The following MMS22L variants were observed in gnomAD, a reference collection of about 807,000 sequenced individuals.
The protein encoded by MMS22L is MMS22 like, DNA repair protein, also known as protein MMS22-like.
MMS22L carries 74 observed loss-of-function variants against 159.1 expected under a neutral mutation model. The observed-to-expected ratio is 0.47, with a 90% CI of 0.39 to 0.56. The LOEUF (loss-of-function observed/expected upper bound fraction) is 0.56. Ranked by LOEUF, MMS22L falls within the 20% of genes least tolerant of loss-of-function variation. MMS22L has a pLI of 0.00. For synonymous variants in MMS22L, 517 were observed against 506.9 expected (o/e 1.02, Z -0.27); for missense variants, 1,351 against 1,422.1 (o/e 0.95, Z 0.80).
At chr6:97,251,592 T>A (rs759259737) in intron 10 of MMS22L, among the ~76,000 whole-genome samples, 1 of 152,230 alleles carries the variant, frequency 6.6e-6, no homozygotes, top group African/African-American at 2.4e-5. Context: ...CCTTTTTCTA[T>A]TAATTATCAC....
chr6:97,157,433 C>T (rs1801974590), intron 22 of MMS22L, among the ~76,000 whole-genome samples: 1 of 152,156 alleles, frequency 6.6e-6, no homozygotes, highest in Non-Finnish European at 1.5e-5. Flanking sequence ...TTTGTCCATT[C>T]AGTACGATAT....
At position 97,273,022 on chromosome 6, in the gene MMS22L, C is replaced by A; in HGVS notation, c.381G>T (p.Arg127Ser). 1 of 1,612,934 alleles carries A rather than the reference C, an allele frequency of 6.2e-7. No homozygotes were observed. Among genetic ancestry groups the A allele is most frequent in the Non-Finnish European group, 8.5e-7 (1 of 1,179,760 alleles). The change falls in exon 5 of 25, where the codon AGG (arginine) becomes AGT (serine). Residue 127 changes from arginine (R) to serine (S), a missense_variant. By Grantham distance (110) the Arg-to-Ser change is moderately radical. Transcript: ENST00000683635. ...STLHCKADNI[R>S]QQCVLFLHYV... ...AATGGAGAAATAGTACACACTGCTG[C>A]CTAATATTGTCTGCTTTGCAGTGTA...
At chr6:97,172,860 C>A (rs73758123) in intron 19 of MMS22L, among the ~76,000 whole-genome samples, 3,276 of 151,974 alleles carry the variant, frequency 0.022, 125 homozygotes, top group African/African-American at 0.075. Flanking sequence ...TTAAAACAAT[C>A]AAAAGTATTG....
intron 11 of MMS22L, among the ~76,000 whole-genome samples, chr6:97,242,456 T>A (rs1015055446): frequency 2.0e-5 from 3 of 152,198 alleles, no homozygotes; most frequent in African/African-American, 7.2e-5. Flanking sequence ...ACTATCTTTT[T>A]CCACCCCATT....
chr6:97,244,209 G>A (rs1206856381), intron 11 of MMS22L, among the ~76,000 whole-genome samples: 1 of 152,136 alleles, frequency 6.6e-6, no homozygotes, highest in Non-Finnish European at 1.5e-5. Flanking sequence ...GCCAGGAGGT[G>A]GCACTTTCAA....
chr6:97,243,895 G>A (rs1271458638), intron 11 of MMS22L, among the ~76,000 whole-genome samples: 1 of 152,108 alleles, frequency 6.6e-6, no homozygotes, highest in Non-Finnish European at 1.5e-5. Flanking sequence ...GGGGGTGTCT[G>A]CAAAGAGTCC....
chr6:97,211,932 A>G (rs572731437), intron 14 of MMS22L, among the ~76,000 whole-genome samples: 1 of 152,308 alleles, frequency 6.6e-6, no homozygotes, highest in East Asian at 1.9e-4. Flanking sequence ...CCTCCCTTCT[A>G]ATATTTGCCA....
chr6:97,151,909 G>A (rs759733927), intron 22 of MMS22L, 42 bp from the exon 23 acceptor site: 1 of 1,455,340 alleles, frequency 6.9e-7, no homozygotes, highest in South Asian at 1.2e-5. Flanking sequence ...TGTCTGAATT[G>A]ACCATCTGGA....
rs756012970 is a variant in MMS22L, at chr6:97,149,891, T to C, written c.3612A>G (p.Ser1204=). The change falls in exon 24 of 25, where the codon TCA becomes TCG. Residue 1204 remains serine (S), a synonymous_variant. Coordinates refer to ENST00000683635, the MANE Select transcript of MMS22L (RefSeq NM_001350599.2). The part of the protein sequence containing the change: ...ISTLTQSLKD[S]EQKWGLGRNI... ...TCCTGCCAAGGCCCCATTTCTGCTC[T>C]GAATCCTTCAGAGACTGAGTAAGGG... The C allele has an allele frequency of 1.2e-6, 2 of 1,613,290 alleles. No individual in the cohort carries two copies. Among genetic ancestry groups the C allele is most frequent in the Admixed American group, 1.7e-5 (1 of 59,926 alleles).
intron 9 of MMS22L, among the ~76,000 whole-genome samples, chr6:97,256,293 A>G (rs905548690): frequency 6.6e-6 from 1 of 152,006 alleles, no homozygotes; most frequent in African/African-American, 2.4e-5. Flanking sequence ...AGAACCTTAA[A>G]AGAGTAGCTC....
At chr6:97,231,088 T>G (rs1349026857) in intron 13 of MMS22L, 1 of 187,210 alleles carries the variant, frequency 5.3e-6, no homozygotes, top group Non-Finnish European at 1.1e-5. Flanking sequence ...TTATCAGAAA[T>G]GAAAACAGCA....
intron 3 of MMS22L, 134 bp from the exon 4 acceptor site, chr6:97,279,032 A>T (rs1269048651): frequency 1.6e-6 from 1 of 634,782 alleles, no homozygotes; most frequent in Non-Finnish European, 2.6e-6. Context: ...TACCTTGTGA[A>T]TGTTAATTAA....
intron 15 of MMS22L, among the ~76,000 whole-genome samples, chr6:97,186,266 T>C (rs1333326618): frequency 6.6e-6 from 1 of 152,196 alleles, no homozygotes; most frequent in Non-Finnish European, 1.5e-5. Context: ...GAAAAGCTTA[T>C]GTATATTCAA....
chr6:97,213,460 C>T (rs1808619812), intron 14 of MMS22L, among the ~76,000 whole-genome samples: 1 of 151,912 alleles, frequency 6.6e-6, no homozygotes. Context: ...CACTTTTGTC[C>T]CCCCACCCTT....
At chr6:97,184,024 T>C (rs773314702) in intron 15 of MMS22L, among the ~76,000 whole-genome samples, 12 of 152,134 alleles carry the variant, frequency 7.9e-5, no homozygotes, top group Non-Finnish European at 1.3e-4. Flanking sequence ...CTTTTCACCT[T>C]TTCTCTGGAA....
chr6:97,252,039 C>T (rs569013897), intron 10 of MMS22L, among the ~76,000 whole-genome samples: 9 of 150,914 alleles, frequency 6.0e-5, no homozygotes, highest in South Asian at 2.1e-4. Flanking sequence ...GCCAAGACTG[C>T]GCCACTGCAC....
intron 10 of MMS22L, among the ~76,000 whole-genome samples, chr6:97,248,155 T>C (rs1010121814): frequency 6.6e-6 from 1 of 152,256 alleles, no homozygotes; most frequent in Non-Finnish European, 1.5e-5. Context: ...TCCATCTTTA[T>C]GACACTCTGA....
At position 97,146,866 on chromosome 6, in the gene MMS22L, C is replaced by A. The variant is rs778237100; in HGVS notation, c.3672G>T (p.Leu1224Phe). 5.8e-6 allele frequency: 9 copies of A among 1,555,248 alleles called. No homozygotes were observed. Among genetic ancestry groups the A allele is most frequent in the Non-Finnish European group, 6.0e-6 (7 of 1,160,382 alleles). The change falls in exon 25 of 25, where the codon TTG becomes TTT. Residue 1224 changes from leucine to phenylalanine, a missense_variant. By Grantham distance (22) the Leu-to-Phe change is conservative. Transcript: ENST00000683635. ...CTTGTCCCATCTGTCCAAGGTGAGA[C>A]AAAAGTTTGCTATAGGCTTCCCTGT... is the stretch of plus-strand genomic sequence containing the variant. ...IAQREAYSKLLSHLGQMGQDE... is the reference protein window; with the variant it reads ...IAQREAYSKLFSHLGQMGQDE...
chr6:97,244,314 T>C (rs1414375962), intron 11 of MMS22L, among the ~76,000 whole-genome samples: 3 of 152,150 alleles, frequency 2.0e-5, no homozygotes, highest in African/African-American at 7.2e-5. Context: ...GATGGGGCCA[T>C]GGAGCTCCCA....
Sources: gnomAD v4.1 joint callset for allele counts (sites outside exome capture counted in the v4.1 genomes callset) on GRCh38, gnomAD v4.1.1 for gene constraint, MANE v1.5 for transcripts, NCBI Gene and HGNC (gene_info 2026-07-23, HGNC 2026-07-21) for gene names.